CDH18: variants seen among roughly 807,000 people sequenced by gnomAD.
CDH18 encodes cadherin-18.
Under a neutral mutation model 67.9 loss-of-function variants are expected in CDH18, and 31 were observed. The observed-to-expected ratio is 0.46, with a 90% CI of 0.34 to 0.62. CDH18 has a LOEUF of 0.62. Among genes scored for constraint, CDH18 ranks in the 20% least tolerant of loss-of-function variants. The probability of loss-of-function intolerance (pLI) is 0.01; values close to 1 mark genes in which losing one functional copy is unlikely to be tolerated. For missense variants in CDH18, 890 were observed against 975.5 expected, an observed-to-expected ratio of 0.91 and a Z score of 1.17; for synonymous variants, 362 against 347.2, an observed-to-expected ratio of 1.04 and a Z score of -0.48.
chr5:20,256,959 A>ATCTATCTATCTATCTATCTATCTG (rs369248095), intron 1 of CDH18, among the ~76,000 whole-genome samples: 4,774 of 125,262 alleles, frequency 0.038, 149 homozygotes, highest in African/African-American at 0.08. Flanking sequence ...CTATCTATCT[A>ATCTATCTATCTATCTATCTATCTG]TCTAATCTAT....
intron 11 of CDH18, among the ~76,000 whole-genome samples, chr5:19,489,083 T>C (rs2126644723): frequency 6.6e-6 from 1 of 152,234 alleles, no homozygotes; most frequent in South Asian, 2.1e-4. Context: ...ATAAATACAG[T>C]GTCCATTGTC....
intron 8 of CDH18, among the ~76,000 whole-genome samples, chr5:19,562,453 A>G (rs1362376762): frequency 6.6e-6 from 1 of 152,166 alleles, no homozygotes; most frequent in East Asian, 1.9e-4. Flanking sequence ...AAAGCAAACA[A>G]AAAACAAAAA....
chr5:20,355,422 A>G (rs1741532959), intron 1 of CDH18, among the ~76,000 whole-genome samples: 1 of 152,122 alleles, frequency 6.6e-6, no homozygotes, highest in South Asian at 2.1e-4. Context: ...AACATAGCCT[A>G]TAGCTAAGTG....
intron 10 of CDH18, among the ~76,000 whole-genome samples, chr5:19,515,855 G>T (rs1332630482): frequency 1.3e-5 from 2 of 152,058 alleles, no homozygotes; most frequent in Admixed American, 1.3e-4. Context: ...TCTCTTGCCT[G>T]ATTGCCCTGG....
At chr5:19,788,502 G>C (rs1776042993) in intron 3 of CDH18, among the ~76,000 whole-genome samples, 1 of 152,116 alleles carries the variant, frequency 6.6e-6, no homozygotes, top group African/African-American at 2.4e-5. Flanking sequence ...ACTTGACTAT[G>C]AAACGGATGC....
intron 1 of CDH18, among the ~76,000 whole-genome samples, chr5:20,430,247 T>C (rs1748631327): frequency 1.3e-5 from 2 of 152,156 alleles, no homozygotes; most frequent in Non-Finnish European, 2.9e-5. Context: ...TATCACCTTA[T>C]AAAAAACTCA....
rs1017975378 is a variant in CDH18, at chr5:20,432,310, T to A, written c.-580+143152A>T. Among the ~76,000 whole-genome samples the A allele has an allele frequency of 5.9e-5, 9 of 152,236 alleles. No individual in the cohort carries two copies. In the East Asian group the frequency reaches 9.7e-4, roughly 16 times the overall value. On this transcript the variant is annotated intron_variant, in intron 1 of 14. Transcript: ENST00000507958. ...AATCTCATTCAGAGCCTAATGCCAATTTGACATTGAGACAGAATGATAATG... is the reference window on the plus strand; with the variant it reads ...AATCTCATTCAGAGCCTAATGCCAAATTGACATTGAGACAGAATGATAATG...
chr5:19,895,123 G>A (rs1037934262), intron 2 of CDH18, among the ~76,000 whole-genome samples: 5 of 152,072 alleles, frequency 3.3e-5, no homozygotes, highest in Non-Finnish European at 5.9e-5. Context: ...CTGGGATAGA[G>A]GCATGTTGGC....
chr5:20,138,206 A>G (rs1382754131), intron 2 of CDH18, among the ~76,000 whole-genome samples: 4 of 152,136 alleles, frequency 2.6e-5, no homozygotes, highest in Admixed American at 1.3e-4. Flanking sequence ...AGAACCAAAG[A>G]AAAAAACCAC....
At chr5:19,863,732 C>T (rs1463285535) in intron 2 of CDH18, among the ~76,000 whole-genome samples, 3 of 152,146 alleles carry the variant, frequency 2.0e-5, no homozygotes, top group Non-Finnish European at 2.9e-5. Context: ...GGCATAAAGC[C>T]TAATAATCAG....
intron 2 of CDH18, among the ~76,000 whole-genome samples, chr5:20,242,266 C>T (rs900541489): frequency 6.6e-6 from 1 of 151,840 alleles, no homozygotes; most frequent in African/African-American, 2.4e-5. Flanking sequence ...TATCACCTAA[C>T]GTGATTATCA....
At chr5:20,344,570 G>A (rs1354717324) in intron 1 of CDH18, among the ~76,000 whole-genome samples, 1 of 151,986 alleles carries the variant, frequency 6.6e-6, no homozygotes, top group Admixed American at 6.6e-5. Context: ...CACCTAGGGG[G>A]CCTCAAAAGC....
chr5:20,483,651 G>A (rs1752974077), intron 1 of CDH18, among the ~76,000 whole-genome samples: 1 of 140,572 alleles, frequency 7.1e-6, no homozygotes, highest in South Asian at 2.1e-4. Flanking sequence ...CAAGAAAGTT[G>A]CCAAAAAAAA....
At chr5:19,687,997 G>A (rs1476057040) in intron 5 of CDH18, among the ~76,000 whole-genome samples, 1 of 152,126 alleles carries the variant, frequency 6.6e-6, no homozygotes, top group East Asian at 1.9e-4. Flanking sequence ...GAATCACCGT[G>A]CCCCATCCAC....
intron 2 of CDH18, among the ~76,000 whole-genome samples, chr5:19,842,618 C>T (rs1259129865): frequency 6.6e-6 from 1 of 151,998 alleles, no homozygotes; most frequent in Admixed American, 6.6e-5. Flanking sequence ...TAAAATAATA[C>T]AATACATTTT....
chr5:20,235,190 A>C (rs1316468420), intron 2 of CDH18, among the ~76,000 whole-genome samples: 1 of 152,090 alleles, frequency 6.6e-6, no homozygotes, highest in Non-Finnish European at 1.5e-5. Flanking sequence ...AAGAAAACCT[A>C]GGAAATGACC....
At chr5:20,282,901 T>C (rs1000898311) in intron 1 of CDH18, among the ~76,000 whole-genome samples, 6 of 152,074 alleles carry the variant, frequency 3.9e-5, no homozygotes, top group Non-Finnish European at 7.4e-5. Flanking sequence ...AAGAACATGA[T>C]ACTGGCATAA....
At chr5:20,267,378 C>A (rs539655527) in intron 1 of CDH18, among the ~76,000 whole-genome samples, 2 of 152,224 alleles carry the variant, frequency 1.3e-5, no homozygotes, top group South Asian at 4.1e-4. Context: ...ATGCCTCCAG[C>A]TTTGTTCTTT....
At chr5:20,213,394 C>A (rs907600116) in intron 2 of CDH18, among the ~76,000 whole-genome samples, 1 of 152,040 alleles carries the variant, frequency 6.6e-6, no homozygotes, top group South Asian at 2.1e-4. Context: ...GCTGGCCTCA[C>A]AGAAGGAGTT....
Sources: gnomAD v4.1 joint callset for allele counts (sites outside exome capture counted in the v4.1 genomes callset) on GRCh38, gnomAD v4.1.1 for gene constraint, MANE v1.5 for transcripts, NCBI Gene and HGNC (gene_info 2026-07-23, HGNC 2026-07-21) for gene names.